The following ENGASE variants were observed in gnomAD, a reference collection of about 807,000 sequenced individuals.
The protein encoded by ENGASE is endo-beta-N-acetylglucosaminidase.
A neutral mutation model predicts 78.5 loss-of-function variants in ENGASE; 69 were observed. The ratio of observed to expected loss-of-function variants is 0.88; its 90% CI spans 0.72 to 1.07. ENGASE has a LOEUF of 1.07. Among genes scored for constraint, ENGASE ranks in the 50% least tolerant of loss-of-function variants. The pLI is 0.00. For missense variants in ENGASE, 943 were observed against 988.4 expected, an observed-to-expected ratio of 0.95 and a Z score of 0.62; for synonymous variants, 408 against 408.9, an observed-to-expected ratio of 1.00 and a Z score of 0.03.
chr17:79,082,599 G>A, intron 7 of ENGASE: 2 of 1,263,668 alleles, frequency 1.6e-6, no homozygotes, highest in Non-Finnish European at 2.0e-6. Context: ...CCTGCCTCTG[G>A]TCTATCAGTC....
rs2073346913 is a variant in ENGASE at position 79,087,343 on chromosome 17, C to A, written c.*994C>A. 2 of 310,898 alleles carry A rather than the reference C, an allele frequency of 6.4e-6. No homozygotes were observed. Among genetic ancestry groups the A allele is most frequent in the Non-Finnish European group, 6.5e-6 (1 of 154,400 alleles). The allele number at this position is 310,898 out of a possible 1,614,324, so 19.3% of individuals were successfully genotyped here. ...GCACCGGGAAGACCTCCAGGCTGAC[C>A]CCTTGAGCAGCAGTCAGCACAGGTG... On this transcript the variant is annotated 3_prime_UTR_variant, in exon 14 of 14. Coordinates refer to ENST00000579016, the MANE Select transcript of ENGASE (RefSeq NM_001042573.3).
At chr17:79,079,770 G>A (rs1206469311) in intron 4 of ENGASE, 133 bp downstream of exon 4, 23 of 1,120,902 alleles carry the variant, frequency 2.1e-5, no homozygotes, top group Admixed American at 1.1e-4. Flanking sequence ...CGCCTTGGTC[G>A]GCTAGGACAG....
chr17:79,074,895 G>C lies in ENGASE; in HGVS notation c.-50G>C. On this transcript the variant is annotated 5_prime_UTR_variant, in exon 1 of 14. Coordinates refer to ENST00000579016, the MANE Select transcript of ENGASE (RefSeq NM_001042573.3). ...ACTTCCCATTGGCCGAGCGCGGCGC[G>C]GGGGCGGGCCCGGGCCTGCGATTGC... 1 of 1,245,826 alleles carries C rather than the reference G, an allele frequency of 8.0e-7. No individual in the cohort carries two copies. The highest frequency in any genetic ancestry group is 1.0e-6 in the Non-Finnish European group (1 of 993,930). 77.2% of individuals were successfully genotyped at this position (1,245,826 alleles called of 1,614,324 possible). A position where few individuals can be genotyped will look rare whatever the true frequency, so the allele number is the denominator to read the frequency against.
intron 7 of ENGASE, chr17:79,082,506 T>G (rs1348274042): frequency 8.3e-7 from 1 of 1,202,096 alleles, no homozygotes; most frequent in East Asian, 5.7e-5. Flanking sequence ...GAGGGAGCAT[T>G]TTCTGGCAAG....
intron 4 of ENGASE, 68 bp from the exon 5 acceptor site, chr17:79,080,139 C>T (rs556949652): frequency 1.3e-6 from 2 of 1,523,686 alleles, no homozygotes; most frequent in East Asian, 2.3e-5. Context: ...GAGAACCTCG[C>T]TTTGAAAACT....
In ENGASE at chr17:79,080,945, G is replaced by GCCT; in HGVS notation, c.748_750dup (p.Pro250dup). The stretch of plus-strand genomic sequence containing the variant: ...TTCAGCTGGCCGCTGTGGGGAACAT[G>GCCT]CCTCCTTTCCTGCGGTACCTCACCA... On this transcript the variant is annotated inframe_insertion, in exon 6 of 14. Transcript: ENST00000579016. The GCCT allele has an allele frequency of 6.2e-7, 1 of 1,613,068 alleles. No homozygotes were observed. The highest frequency in any genetic ancestry group is 8.5e-7 in the Non-Finnish European group (1 of 1,179,556).
intron 6 of ENGASE, 136 bp from the exon 7 acceptor site, chr17:79,081,762 G>C: frequency 1.0e-6 from 1 of 994,286 alleles, no homozygotes; most frequent in Non-Finnish European, 1.4e-6. Context: ...GGGGTGGGGT[G>C]GGGTGGGGTG....
Position 79,087,311 on chromosome 17 carries a change from C to G in ENGASE, c.*962C>G, listed in dbSNP as rs1316594025. The G allele has an allele frequency of 5.5e-5, 18 of 329,478 alleles. No individual in the cohort carries two copies. The East Asian group carries it at 1.4e-3, about 25-fold the overall frequency. The allele number at this position is 329,478 out of a possible 1,614,324, so 20.4% of individuals were successfully genotyped here. On this transcript the variant is annotated 3_prime_UTR_variant, in exon 14 of 14. Coordinates refer to ENST00000579016, the MANE Select transcript of ENGASE (RefSeq NM_001042573.3). ...CCTTCACGTCCTCCCTTCTCAGCCTCGTCCAAGCACCGGGAAGACCTCCAG... is the reference window on the plus strand; with the variant it reads ...CCTTCACGTCCTCCCTTCTCAGCCTGGTCCAAGCACCGGGAAGACCTCCAG...
chr17:79,080,693 C>A (rs536301661), intron 5 of ENGASE, among the ~76,000 whole-genome samples: 1 of 152,224 alleles, frequency 6.6e-6, no homozygotes, highest in Non-Finnish European at 1.5e-5. Flanking sequence ...TCGGTGCACT[C>A]TGTCTTTTCC....
In ENGASE at chr17:79,084,359, A is replaced by G. The variant is rs944349637; in HGVS notation, c.1443-179A>G. ...CAGAACTGAGATGTTTCAGCCCACA[A>G]AAGAATCTGGCCTTGGGGGAGGACT... On this transcript the variant is annotated intron_variant, in intron 10 of 13. Coordinates refer to ENST00000579016, the MANE Select transcript of ENGASE (RefSeq NM_001042573.3). The G allele has an allele frequency of 4.8e-6, 3 of 621,980 alleles. No individual in the cohort carries two copies. In the South Asian group the frequency reaches 6.7e-5, roughly 14 times the overall value. The allele number at this position is 621,980 out of a possible 1,614,324, so 38.5% of individuals were successfully genotyped here.
chr17:79,084,641 G>A lies in ENGASE; in HGVS notation c.1546G>A (p.Gly516Arg). 2 of 1,613,486 alleles carry A rather than the reference G, an allele frequency of 1.2e-6. No individual in the cohort carries two copies. The highest frequency in any genetic ancestry group is 1.7e-6 in the Non-Finnish European group (2 of 1,179,858). The part of the protein sequence containing the change: ...DVTVALELTT[G>R]DAGSCHIGGI... ...CACAGTTGCTTTGGAGCTGACCACAGGGGATGCCGGCAGCTGCCACATCGG... is the reference window on the plus strand; with the variant it reads ...CACAGTTGCTTTGGAGCTGACCACAAGGGATGCCGGCAGCTGCCACATCGG... Residue 516 changes from glycine (G) to arginine (R), a missense_variant, in exon 11 of 14, where the codon GGG becomes AGG. Physicochemically the swap from Gly to Arg is moderately radical, Grantham distance 125. Coordinates refer to ENST00000579016, the MANE Select transcript of ENGASE (RefSeq NM_001042573.3).
chr17:79,084,327 G>A (rs907657410), intron 10 of ENGASE: 10 of 527,080 alleles, frequency 1.9e-5, no homozygotes, highest in East Asian at 7.3e-5. Context: ...AATCCCATAC[G>A]GTATTTCAGA....
chr17:79,078,330 ACT>A (rs1358506247), intron 3 of ENGASE, among the ~76,000 whole-genome samples: 3 of 152,140 alleles, frequency 2.0e-5, no homozygotes, highest in South Asian at 2.1e-4. Context: ...ACAGAGTGAG[ACT>A]CTGTCTCAAA....
rs768727793 is a variant in ENGASE at position 79,083,338 on chromosome 17, G to A, written c.1143-144G>A. ...GCAGACTCGTGTTTGCAGCGTATCT[G>A]TAGACGGGGAGGCTGCAGTCCTCCT... is the stretch of plus-strand genomic sequence containing the variant. On this transcript the variant is annotated intron_variant, in intron 8 of 13. Coordinates refer to ENST00000579016, the MANE Select transcript of ENGASE (RefSeq NM_001042573.3). This position sits in a 1 kb window ranked among gnomAD's most constrained non-coding sequence, Gnocchi z 4.9. 2.2e-5 allele frequency: 16 copies of A among 716,270 alleles called. No individual in the cohort carries two copies. Among genetic ancestry groups the A allele is most frequent in the African/African-American group, 8.9e-5 (5 of 56,168 alleles). The allele number at this position is 716,270 out of a possible 1,614,324, so 44.4% of individuals were successfully genotyped here. A position where few individuals can be genotyped will look rare whatever the true frequency, so the allele number is the denominator to read the frequency against.
intron 1 of ENGASE, chr17:79,075,688 C>T: frequency 1.0e-6 from 1 of 985,326 alleles, no homozygotes; most frequent in Non-Finnish European, 1.2e-6. Flanking sequence ...CAGTAGGTTG[C>T]AGGGGGAGAA....
In ENGASE at chr17:79,080,365, G is replaced by T. The variant is rs1459933714; in HGVS notation, c.723+1G>T. The T allele has an allele frequency of 6.2e-7, 1 of 1,612,464 alleles. No individual in the cohort carries two copies. Among genetic ancestry groups the T allele is most frequent in the Admixed American group, 1.7e-5 (1 of 59,952 alleles). ...GATCAACATCGAGAACTCGCTGAGT[G>T]TGAGTGCCCAGCCCTCACCCACCTC... On this transcript the variant is annotated splice_donor_variant, in intron 5 of 13. Coordinates refer to ENST00000579016, the MANE Select transcript of ENGASE (RefSeq NM_001042573.3). LOFTEE classifies it high-confidence loss of function.
chr17:79,078,284 G>C (rs2073017786), intron 3 of ENGASE, among the ~76,000 whole-genome samples: 1 of 152,188 alleles, frequency 6.6e-6, no homozygotes, highest in African/African-American at 2.4e-5. Flanking sequence ...AGATTGCAGT[G>C]AGCCAAGATT....
intron 7 of ENGASE, 126 bp downstream of exon 7, chr17:79,082,189 G>T (rs1256677966): frequency 6.4e-7 from 1 of 1,574,306 alleles, no homozygotes; most frequent in African/African-American, 1.4e-5. Context: ...CCCAGAGTGG[G>T]GATCCCGTGG....
At position 79,075,005 on chromosome 17, in the gene ENGASE, C is replaced by G; in HGVS notation, c.61C>G (p.Gln21Glu). Residue 21 changes from glutamine to glutamate, a missense_variant, in exon 1 of 14, where the codon CAG becomes GAG. Gln to Glu is a conservative substitution (Grantham distance 29). Transcript: ENST00000579016. ...SATRRRRRQLQGLAAPEAGTQ... is the reference protein window; with the variant it reads ...SATRRRRRQLEGLAAPEAGTQ... Reference sequence around the variant, plus strand: ...TACACGGCGGCGGCGGCGGCAGCTGCAGGGGCTGGCGGCCCCGGAGGCGGG... The same window carrying G: ...TACACGGCGGCGGCGGCGGCAGCTGGAGGGGCTGGCGGCCCCGGAGGCGGG... The G allele has an allele frequency of 8.2e-7, 1 of 1,216,344 alleles. No homozygotes were observed. The highest frequency in any genetic ancestry group is 1.0e-6 in the Non-Finnish European group (1 of 976,126). The allele number at this position is 1,216,344 out of a possible 1,614,324, so 75.3% of individuals were successfully genotyped here.
Sources: gnomAD v4.1 joint callset for allele counts (sites outside exome capture counted in the v4.1 genomes callset) on GRCh38, gnomAD v4.1.1 for gene constraint, Gnocchi (gnomAD v3.1) non-coding constraint, MANE v1.5 for transcripts, NCBI Gene and HGNC (gene_info 2026-07-23, HGNC 2026-07-21) for gene names.